CCDC148: variants seen among roughly 807,000 people sequenced by gnomAD.
CCDC148 encodes coiled-coil domain containing 148.
A neutral mutation model predicts 85.7 loss-of-function variants in CCDC148; 89 were observed. The ratio of observed to expected loss-of-function variants is 1.04; its 90% CI spans 0.87 to 1.24. CCDC148 has a LOEUF of 1.24. Among genes scored for constraint, CCDC148 ranks in the 50% most tolerant of loss-of-function variants. CCDC148 has a pLI of 0.00. For missense variants in CCDC148, 692 were observed against 671.7 expected, an observed-to-expected ratio of 1.03 and a Z score of -0.33; for synonymous variants, 230 against 213.9, an observed-to-expected ratio of 1.08 and a Z score of -0.66.
intron 1 of CCDC148, among the ~76,000 whole-genome samples, chr2:158,445,828 A>C (rs918847131): frequency 6.6e-6 from 1 of 152,146 alleles, no homozygotes; most frequent in East Asian, 1.9e-4. Flanking sequence ...TAGTATGGAC[A>C]TATGTAGTAT....
intron 9 of CCDC148, among the ~76,000 whole-genome samples, chr2:158,282,281 A>G (rs1473088226): frequency 2.0e-5 from 3 of 152,216 alleles, no homozygotes; most frequent in South Asian, 2.1e-4. Context: ...TGGCCAGGGC[A>G]ATCAGGCAGA....
chr2:158,347,449 T>C (rs1196644565), intron 2 of CCDC148, among the ~76,000 whole-genome samples: 1 of 150,546 alleles, frequency 6.6e-6, no homozygotes, highest in East Asian at 1.9e-4. Context: ...GGGCCAAAAA[T>C]GAAAAAAAAA....
chr2:158,208,042 T>A (rs1686345040), intron 11 of CCDC148, among the ~76,000 whole-genome samples: 1 of 152,082 alleles, frequency 6.6e-6, no homozygotes, highest in African/African-American at 2.4e-5. Flanking sequence ...GAGGTGTTGT[T>A]ATTGGTAGTG....
intron 9 of CCDC148, among the ~76,000 whole-genome samples, chr2:158,252,398 C>G (rs1688830953): frequency 6.6e-6 from 1 of 151,666 alleles, no homozygotes; most frequent in Non-Finnish European, 1.5e-5. Flanking sequence ...TAGATCATCC[C>G]TGCCTTCTGT....
At chr2:158,195,849 G>A (rs1299180289) in intron 11 of CCDC148, among the ~76,000 whole-genome samples, 1 of 152,154 alleles carries the variant, frequency 6.6e-6, no homozygotes, top group Admixed American at 6.6e-5. Context: ...CAAGTGCAGA[G>A]TGTCCAGTGG....
intron 11 of CCDC148, among the ~76,000 whole-genome samples, chr2:158,213,567 T>C (rs73966280): frequency 0.048 from 7,348 of 152,206 alleles, 572 homozygotes; most frequent in African/African-American, 0.16. Context: ...AATGTCATAA[T>C]GTAAAGGGGA....
At chr2:158,393,462 T>A (rs1048748064) in intron 1 of CCDC148, among the ~76,000 whole-genome samples, 4 of 152,184 alleles carry the variant, frequency 2.6e-5, no homozygotes, top group African/African-American at 9.6e-5. Flanking sequence ...GGGGCTTTCA[T>A]CAATTATAGG....
At chr2:158,356,102 C>T (rs1431811178) in intron 2 of CCDC148, among the ~76,000 whole-genome samples, 12 of 130,194 alleles carry the variant, frequency 9.2e-5, no homozygotes, top group Admixed American at 2.9e-4. Context: ...AAGACTTAAA[C>T]GTTAGACCTA....
At chr2:158,400,815 A>G (rs1175412367) in intron 1 of CCDC148, among the ~76,000 whole-genome samples, 3 of 152,240 alleles carry the variant, frequency 2.0e-5, no homozygotes, top group Non-Finnish European at 4.4e-5. Context: ...CTCATCTGAC[A>G]AAGGGCTAAT....
intron 10 of CCDC148, among the ~76,000 whole-genome samples, chr2:158,221,933 C>T (rs1687205617): frequency 6.6e-6 from 1 of 152,026 alleles, no homozygotes; most frequent in African/African-American, 2.4e-5. Context: ...CATTGATTGA[C>T]AAGGAGTGTT....
intron 9 of CCDC148, among the ~76,000 whole-genome samples, chr2:158,295,866 T>G (rs1265068573): frequency 2.0e-5 from 3 of 151,858 alleles, no homozygotes; most frequent in African/African-American, 7.3e-5. Flanking sequence ...TGTTGGAAGT[T>G]CTGGCCAGGG....
intron 9 of CCDC148, among the ~76,000 whole-genome samples, chr2:158,290,347 T>G (rs1690830273): frequency 6.6e-6 from 1 of 152,216 alleles, no homozygotes; most frequent in Non-Finnish European, 1.5e-5. Flanking sequence ...AGCTTCCTAA[T>G]GCATCTGCCA....
At position 158,278,004 on chromosome 2, in the gene CCDC148, C is replaced by T. The variant is rs62182643; in HGVS notation, c.1111-27092G>A. Among the ~76,000 whole-genome samples, 33 of 152,238 alleles carry T rather than the reference C, an allele frequency of 2.2e-4. 1 individual carries two copies. In the South Asian group the frequency reaches 6.4e-3, roughly 30 times the overall value. ...TTTGACTAGCACCTGTGGTTCTAGCCACTACACTGTGTTTGGTAAACCTCA... is the reference window on the plus strand; with the variant it reads ...TTTGACTAGCACCTGTGGTTCTAGCTACTACACTGTGTTTGGTAAACCTCA... On this transcript the variant is annotated intron_variant, in intron 9 of 13. Transcript: ENST00000283233.
chr2:158,266,911 CACAT>C (rs1359736999), intron 9 of CCDC148, among the ~76,000 whole-genome samples: 1 of 147,784 alleles, frequency 6.8e-6, no homozygotes, highest in Non-Finnish European at 1.5e-5. Flanking sequence ...TATATACACA[CACAT>C]ATATACATAT....
At chr2:158,360,931 A>T (rs1683916397) in intron 1 of CCDC148, among the ~76,000 whole-genome samples, 1 of 152,002 alleles carries the variant, frequency 6.6e-6, no homozygotes, top group African/African-American at 2.4e-5. Context: ...ACCTTGAAAA[A>T]ACTTAGTTGA....
chr2:158,194,528 A>T (rs1467196164), intron 11 of CCDC148, among the ~76,000 whole-genome samples: 2 of 152,118 alleles, frequency 1.3e-5, no homozygotes, highest in African/African-American at 4.8e-5. Flanking sequence ...AAGGATGCCT[A>T]TTTTTAAAAT....
At chr2:158,313,986 C>A in intron 7 of CCDC148, 92 bp from the exon 8 acceptor site, 1 of 1,223,904 alleles carries the variant, frequency 8.2e-7, no homozygotes, top group African/African-American at 1.5e-5. Flanking sequence ...GTGATAGTAA[C>A]GAAGCAAAAC....
At chr2:158,336,062 A>G (rs749414549) in intron 7 of CCDC148, among the ~76,000 whole-genome samples, 2 of 152,302 alleles carry the variant, frequency 1.3e-5, no homozygotes, top group Non-Finnish European at 2.9e-5. Context: ...GCAGTGCACA[A>G]CTGTCTAAAC....
intron 9 of CCDC148, among the ~76,000 whole-genome samples, chr2:158,297,135 T>G (rs1364041293): frequency 6.6e-6 from 1 of 152,178 alleles, no homozygotes; most frequent in Non-Finnish European, 1.5e-5. Context: ...CTGCCTTAAA[T>G]TGGCAGAAAC....
Sources: gnomAD v4.1 joint callset for allele counts (sites outside exome capture counted in the v4.1 genomes callset) on GRCh38, gnomAD v4.1.1 for gene constraint, MANE v1.5 for transcripts, NCBI Gene and HGNC (gene_info 2026-07-23, HGNC 2026-07-21) for gene names.